The following XKR9 variants were observed in gnomAD, a reference collection of about 807,000 sequenced individuals.
The protein encoded by XKR9 is XK related 9.
XKR9 carries 32 observed loss-of-function variants against 32.0 expected under a neutral mutation model. The observed-to-expected ratio is 1.00, with a 90% CI of 0.76 to 1.34. The LOEUF is 1.34. XKR9 is among the 40% of genes most tolerant of loss of function. The probability of loss-of-function intolerance (pLI) is 0.00; values close to 1 mark genes in which losing one functional copy is unlikely to be tolerated. For synonymous variants in XKR9, 168 were observed against 143.4 expected (o/e 1.17, Z -1.22); for missense variants, 546 against 429.7 (o/e 1.27, Z -2.39).
At chr8:70,875,272 A>G in the XKR9 span, among the ~76,000 whole-genome samples, 2 of 152,196 alleles carry the variant, frequency 1.3e-5, no homozygotes, top group Non-Finnish European at 2.9e-5. Flanking sequence ...AGAAATATGA[A>G]ATCCTTAAGT....
the XKR9 span, among the ~76,000 whole-genome samples, chr8:70,798,020 G>A: frequency 1.3e-5 from 2 of 152,252 alleles, no homozygotes; most frequent in Middle Eastern, 3.4e-3. Flanking sequence ...ACATATAAGT[G>A]CATGTGTCTT....
intron 2 of XKR9, among the ~76,000 whole-genome samples, chr8:70,746,221 A>T (rs1405693090): frequency 6.7e-6 from 1 of 150,120 alleles, no homozygotes; most frequent in Non-Finnish European, 1.5e-5. Flanking sequence ...TATATTCCAT[A>T]AAGAATATGA....
At chr8:70,882,351 A>T in the XKR9 span, among the ~76,000 whole-genome samples, 1 of 151,816 alleles carries the variant, frequency 6.6e-6, no homozygotes, top group African/African-American at 2.4e-5. Context: ...AAAATGCAGA[A>T]GGGCACAAAA....
the XKR9 span, among the ~76,000 whole-genome samples, chr8:70,963,398 T>G: frequency 6.6e-6 from 1 of 152,250 alleles, no homozygotes; most frequent in Non-Finnish European, 1.5e-5. Context: ...TCCATGTCTT[T>G]GCTGTTGTGA....
chr8:70,898,626 A>G, the XKR9 span, among the ~76,000 whole-genome samples: 2 of 151,934 alleles, frequency 1.3e-5, no homozygotes, highest in Non-Finnish European at 2.9e-5. Context: ...ATATTTGGGA[A>G]TTTTCCTGAT....
chr8:70,748,521 A>T (rs1443477842), intron 2 of XKR9, among the ~76,000 whole-genome samples: 2 of 152,190 alleles, frequency 1.3e-5, no homozygotes, highest in Non-Finnish European at 2.9e-5. Flanking sequence ...GGCTCCCTCT[A>T]GACTTTGGGT....
At chr8:70,877,975 T>G in the XKR9 span, among the ~76,000 whole-genome samples, 1 of 152,196 alleles carries the variant, frequency 6.6e-6, no homozygotes, top group African/African-American at 2.4e-5. Context: ...GAAGAAACCC[T>G]ATAAGCCAGA....
the XKR9 span, among the ~76,000 whole-genome samples, chr8:70,807,565 G>A: frequency 6.6e-6 from 1 of 151,818 alleles, no homozygotes; most frequent in African/African-American, 2.4e-5. Flanking sequence ...AGGGATGGAG[G>A]AATATTTACC....
intron 2 of XKR9, among the ~76,000 whole-genome samples, chr8:70,763,847 G>C (rs1158698662): frequency 6.6e-6 from 1 of 152,286 alleles, no homozygotes; most frequent in African/African-American, 2.4e-5. Context: ...ACTGATAACT[G>C]TTGAGCTGGA....
the XKR9 span, among the ~76,000 whole-genome samples, chr8:70,970,946 A>G: frequency 6.6e-6 from 1 of 152,230 alleles, no homozygotes; most frequent in Non-Finnish European, 1.5e-5. Context: ...GAGCAATCCC[A>G]TTACTGGGTA....
intron 4 of XKR9, among the ~76,000 whole-genome samples, chr8:70,709,945 T>A (rs1264126577): frequency 6.6e-6 from 1 of 152,042 alleles, no homozygotes; most frequent in African/African-American, 2.4e-5. Context: ...AAAAAGATTC[T>A]CAAATTCATA....
At chr8:70,695,362 G>A (rs1444493571) in intron 3 of XKR9, among the ~76,000 whole-genome samples, 37 of 114,392 alleles carry the variant, frequency 3.2e-4, no homozygotes, top group African/African-American at 1.3e-3. Flanking sequence ...AGAGTGTGAT[G>A]TTCCCCTTCC....
the XKR9 span, among the ~76,000 whole-genome samples, chr8:70,823,229 C>T: frequency 6.6e-6 from 1 of 152,182 alleles, no homozygotes; most frequent in African/African-American, 2.4e-5. Flanking sequence ...AGATATCTGA[C>T]ATTGATCTAG....
At chr8:70,706,553 G>T (rs1289904132) in intron 3 of XKR9, among the ~76,000 whole-genome samples, 1 of 152,040 alleles carries the variant, frequency 6.6e-6, no homozygotes, top group Non-Finnish European at 1.5e-5. Context: ...ATAAGATCTG[G>T]GTTTGGACCC....
intron 2 of XKR9, chr8:70,789,312 G>A (rs541923078): frequency 6.6e-6 from 1 of 151,808 alleles, no homozygotes; most frequent in African/African-American, 2.4e-5. Context: ...GAATGATTGT[G>A]GTTTACCTAA....
intron 4 of XKR9, among the ~76,000 whole-genome samples, chr8:70,723,720 A>G (rs3954897): frequency 0.4 from 61,200 of 151,680 alleles, 13,878 homozygotes; most frequent in Non-Finnish European, 0.52. Flanking sequence ...CCTTATGTCA[A>G]CTGGAGCTCT....
chr8:70,699,818 A>G (rs1248003155), intron 3 of XKR9, among the ~76,000 whole-genome samples: 1 of 152,180 alleles, frequency 6.6e-6, no homozygotes, highest in Admixed American at 6.5e-5. Flanking sequence ...TTTCAGGAAC[A>G]CCAATCAGAT....
the XKR9 span, among the ~76,000 whole-genome samples, chr8:70,802,187 C>G: frequency 6.6e-6 from 1 of 152,162 alleles, no homozygotes. Flanking sequence ...CCGCCCGCCT[C>G]AGCCTCCCAA....
the XKR9 span, among the ~76,000 whole-genome samples, chr8:70,813,873 A>T: frequency 1.3e-5 from 2 of 152,214 alleles, no homozygotes; most frequent in African/African-American, 4.8e-5. Flanking sequence ...ACCATTGTGG[A>T]AGTCAGTGTG....
Sources: allele counts gnomAD v4.1 joint callset (sites outside exome capture counted in the v4.1 genomes callset), GRCh38; gene constraint gnomAD v4.1.1; transcripts MANE v1.5; gene names NCBI Gene and HGNC (gene_info 2026-07-23, HGNC 2026-07-21).